CHD8: variants seen among roughly 807,000 people sequenced by gnomAD.
CHD8 encodes the protein chromodomain helicase DNA binding protein 8.
Under a neutral mutation model 279.2 loss-of-function variants are expected in CHD8, and 31 were observed. That is an observed-to-expected ratio of 0.11 (90% CI 0.08 to 0.15). The LOEUF (loss-of-function observed/expected upper bound fraction) is 0.15, where lower values mean the gene tolerates loss of function less well. Among genes scored for constraint, CHD8 ranks in the 10% least tolerant of loss-of-function variants. The probability of loss-of-function intolerance (pLI) is 1.00; values close to 1 mark genes in which losing one functional copy is unlikely to be tolerated. For synonymous variants in CHD8, 1,081 were observed against 1,139.6 expected, an observed-to-expected ratio of 0.95 and a Z score of 1.04; for missense variants, 2,146 against 3,230.5, an observed-to-expected ratio of 0.66 and a Z score of 8.14.
intron 1 of CHD8, among the ~76,000 whole-genome samples, chr14:21,449,493 C>T (rs1233222584): frequency 6.6e-6 from 1 of 152,152 alleles, no homozygotes. Context: ...ATCTGTTAGG[C>T]AGAATGGAGG....
At position 21,392,805 on chromosome 14, in the gene CHD8, C is replaced by T. The variant is rs745375504; in HGVS notation, c.6473G>A (p.Arg2158His). The T allele has an allele frequency of 6.3e-5, 101 of 1,613,166 alleles. No homozygotes were observed. The East Asian group carries it at 1.2e-3, about 20-fold the overall frequency. The change falls in exon 34 of 38, where the codon CGT (arginine) becomes CAT (histidine). Residue 2158 changes from arginine to histidine, a missense_variant. By Grantham distance (29) the Arg-to-His change is conservative. Coordinates refer to ENST00000646647, the MANE Select transcript of CHD8 (RefSeq NM_001170629.2). ...RQRASEWPKD[R>H]VLINRIDLVC... ...GAGGTCAATACGGTTTATCAGGACA[C>T]GATCCTGAATGGGGAAAGAAAGAAA... is the stretch of plus-strand genomic sequence containing the variant.
intron 27 of CHD8, chr14:21,397,287 C>G: frequency 1.9e-6 from 1 of 515,652 alleles, no homozygotes; most frequent in Non-Finnish European, 3.9e-6. Context: ...CCAACTGTTT[C>G]ACATGCCCCT....
chr14:21,391,987 A>G (rs763827084), intron 34 of CHD8, 41 bp from the exon 35 acceptor site: 5 of 1,389,764 alleles, frequency 3.6e-6, no homozygotes, highest in Non-Finnish European at 5.1e-6. Context: ...CATATGGTAC[A>G]TGTTTTTCAA....
intron 1 of CHD8, among the ~76,000 whole-genome samples, chr14:21,454,667 T>G (rs894473331): frequency 6.6e-6 from 1 of 152,154 alleles, no homozygotes; most frequent in African/African-American, 2.4e-5. Context: ...ACTTGCCTAC[T>G]CTCTCTTTGG....
intron 1 of CHD8, among the ~76,000 whole-genome samples, chr14:21,434,039 CTTTTTT>C (rs57822562): frequency 0.027 from 3,163 of 115,828 alleles, 124 homozygotes; most frequent in African/African-American, 0.092. Context: ...GTGAAAGTTT[CTTTTTT>C]TTTTTTTTTT....
At chr14:21,389,580 C>T (rs943131968) in intron 37 of CHD8, among the ~76,000 whole-genome samples, 2 of 152,146 alleles carry the variant, frequency 1.3e-5, no homozygotes, top group African/African-American at 4.8e-5. Context: ...CACTGCCCTC[C>T]AGCCTGGGTG....
At chr14:21,445,294 A>T (rs1165717339) in intron 1 of CHD8, among the ~76,000 whole-genome samples, 1 of 152,172 alleles carries the variant, frequency 6.6e-6, no homozygotes, top group East Asian at 1.9e-4. Context: ...AAGTTGGGCC[A>T]GGCGCCGTGG....
At chr14:21,441,361 C>A (rs1220016796) in intron 1 of CHD8, among the ~76,000 whole-genome samples, 1 of 151,958 alleles carries the variant, frequency 6.6e-6, no homozygotes, top group Non-Finnish European at 1.5e-5. Flanking sequence ...TTAAGTTACC[C>A]AAAAGATGAT....
intron 21 of CHD8, 33 bp downstream of exon 21, chr14:21,401,370 T>C (rs1367129877): frequency 1.5e-6 from 2 of 1,308,346 alleles, no homozygotes; most frequent in Non-Finnish European, 1.1e-6. Flanking sequence ...TGTGGTCTTC[T>C]GCGATACTTC....
At chr14:21,441,288 T>C (rs1476005351) in intron 1 of CHD8, among the ~76,000 whole-genome samples, 1 of 152,172 alleles carries the variant, frequency 6.6e-6, no homozygotes, top group Non-Finnish European at 1.5e-5. Flanking sequence ...TAAACCAGGT[T>C]CTCTAATATT....
Position 21,431,833 on chromosome 14 carries a change from G to C in CHD8, c.-190C>G. ...GACCTTCATGGAGCAAGATGGCTAC[G>C]TCTTCAGAGGAAGATGGTGGAACTC... is the stretch of plus-strand genomic sequence containing the variant. On this transcript the variant is annotated 5_prime_UTR_variant, in exon 2 of 38. Coordinates refer to ENST00000646647, the MANE Select transcript of CHD8 (RefSeq NM_001170629.2). 6.2e-7 allele frequency: 1 copy of C among 1,612,520 alleles called. No homozygotes were observed. The highest frequency in any genetic ancestry group is 8.5e-7 in the Non-Finnish European group (1 of 1,178,530).
intron 1 of CHD8, among the ~76,000 whole-genome samples, chr14:21,446,832 T>C (rs1299919996): frequency 6.6e-6 from 1 of 152,212 alleles, no homozygotes; most frequent in East Asian, 1.9e-4. Flanking sequence ...TCTTATAACT[T>C]CCAGTACTTC....
chr14:21,402,958 T>G lies in CHD8; in HGVS notation c.3714+59A>C, dbSNP rs1888100352. On this transcript the variant is annotated intron_variant, in intron 18 of 37. Coordinates refer to ENST00000646647, the MANE Select transcript of CHD8 (RefSeq NM_001170629.2). This position sits in a 1 kb window ranked among gnomAD's most constrained non-coding sequence, Gnocchi z 4.5. ...GAAAGGTCTTTCTAAAAGATCCTAT[T>G]CTTGTTGAAAAATCTCCCAAGTTAG... The G allele has an allele frequency of 4.3e-6, 6 of 1,403,776 alleles. No individual in the cohort carries two copies. The highest frequency in any genetic ancestry group is 5.9e-6 in the Non-Finnish European group (6 of 1,013,520). 87.0% of individuals were successfully genotyped at this position (1,403,776 alleles called of 1,614,324 possible).
chr14:21,407,842 C>G (rs974313379), intron 13 of CHD8, among the ~76,000 whole-genome samples: 3 of 152,096 alleles, frequency 2.0e-5, no homozygotes, highest in Admixed American at 2.0e-4. Context: ...CTCCCGGCCT[C>G]AGGTAATAAG....
intron 2 of CHD8, chr14:21,430,516 C>T (rs1471349239): frequency 3.1e-6 from 1 of 323,040 alleles, no homozygotes; most frequent in Non-Finnish European, 5.7e-6. Flanking sequence ...TAATATCTGT[C>T]TTTCCTGGCA....
chr14:21,424,117 T>G (rs1889184980), intron 5 of CHD8, among the ~76,000 whole-genome samples: 1 of 152,256 alleles, frequency 6.6e-6, no homozygotes, highest in Non-Finnish European at 1.5e-5. Flanking sequence ...ACAGTTACTT[T>G]AAAATGTATT....
intron 5 of CHD8, 33 bp from the exon 6 acceptor site, chr14:21,415,940 T>A: frequency 1.3e-6 from 2 of 1,571,914 alleles, no homozygotes; most frequent in Non-Finnish European, 1.7e-6. Context: ...AGTGACTAGT[T>A]AGGTCTCTCA....
chr14:21,418,952 T>C (rs990361692), intron 5 of CHD8, among the ~76,000 whole-genome samples: 14 of 152,254 alleles, frequency 9.2e-5, no homozygotes, highest in African/African-American at 3.4e-4. Flanking sequence ...ACAGGGGAAC[T>C]TACTGGGGTG....
At chr14:21,429,612 A>C in intron 2 of CHD8, 1 of 502,650 alleles carries the variant, frequency 2.0e-6, no homozygotes, top group Non-Finnish European at 3.8e-6. Context: ...TCCGTTTCCA[A>C]CCTGGGCCAA....
Sources: gnomAD v4.1 joint callset for allele counts (sites outside exome capture counted in the v4.1 genomes callset) on GRCh38, gnomAD v4.1.1 for gene constraint, Gnocchi (gnomAD v3.1) non-coding constraint, MANE v1.5 for transcripts, NCBI Gene and HGNC (gene_info 2026-07-23, HGNC 2026-07-21) for gene names.